Variants in TTLL7 observed in about 807,000 individuals in gnomAD.
The protein encoded by TTLL7 is tubulin polyglutamylase TTLL7.
A neutral mutation model predicts 120.2 loss-of-function variants in TTLL7; 53 were observed. The observed-to-expected ratio is 0.44, with a 90% CI of 0.35 to 0.55. TTLL7 has a LOEUF of 0.55. Among genes scored for constraint, TTLL7 ranks in the 20% least tolerant of loss-of-function variants. The pLI, the probability that TTLL7 is intolerant of heterozygous loss-of-function variation, is 0.00. For synonymous variants in TTLL7, 353 were observed against 351.7 expected (o/e 1.00, Z -0.04); for missense variants, 803 against 1,054.7 (o/e 0.76, Z 3.31).
At chr1:83,995,256 T>C (rs987162355) in intron 1 of TTLL7, among the ~76,000 whole-genome samples, 1 of 151,930 alleles carries the variant, frequency 6.6e-6, no homozygotes, top group Non-Finnish European at 1.5e-5. Flanking sequence ...CACTGGGAAT[T>C]GATACAGTTT....
chr1:83,943,600 A>G (rs1361700744), intron 6 of TTLL7, among the ~76,000 whole-genome samples: 1 of 152,240 alleles, frequency 6.6e-6, no homozygotes, highest in Non-Finnish European at 1.5e-5. Context: ...CAGGAACTTC[A>G]GTGGCCATAC....
At chr1:83,956,574 T>A (rs1040802038) in intron 1 of TTLL7, among the ~76,000 whole-genome samples, 1 of 152,014 alleles carries the variant, frequency 6.6e-6, no homozygotes, top group Non-Finnish European at 1.5e-5. Flanking sequence ...ATTACAGGCA[T>A]GCGCCACCAC....
chr1:83,873,514 T>G (rs1418980514), intron 20 of TTLL7, among the ~76,000 whole-genome samples: 1 of 152,186 alleles, frequency 6.6e-6, no homozygotes, highest in Non-Finnish European at 1.5e-5. Context: ...GCTTACCTAT[T>G]TTTCTAGCTT....
At chr1:83,914,051 A>G (rs1484061441) in intron 14 of TTLL7, among the ~76,000 whole-genome samples, 1 of 152,182 alleles carries the variant, frequency 6.6e-6, no homozygotes, top group East Asian at 1.9e-4. Context: ...ACTCTAAAAT[A>G]TATTTCTTCC....
intron 19 of TTLL7, 112 bp downstream of exon 19, chr1:83,890,209 G>A (rs1324154338): frequency 2.7e-6 from 3 of 1,115,136 alleles, no homozygotes; most frequent in East Asian, 5.2e-5. Flanking sequence ...ATTACATGCA[G>A]TAAAAGAAAT....
intron 19 of TTLL7, among the ~76,000 whole-genome samples, chr1:83,888,181 T>C (rs7551339): frequency 0.029 from 4,417 of 152,118 alleles, 117 homozygotes; most frequent in African/African-American, 0.07. Flanking sequence ...GATTTTCTCA[T>C]TGCTCTCCAT....
rs561868274 is a variant in TTLL7, at chr1:83,876,467, C to T, written c.2544-6385G>A. Among the ~76,000 whole-genome samples, 7 of 151,546 alleles carry T rather than the reference C, an allele frequency of 4.6e-5. No individual in the cohort carries two copies. The South Asian group carries it at 8.3e-4, about 18-fold the overall frequency. Reference sequence around the variant, plus strand: ...CAAACTTTGGTCAAATTCTTCTCCCCGCCAAAAATAAAAAATAAACATTTG... The same window carrying T: ...CAAACTTTGGTCAAATTCTTCTCCCTGCCAAAAATAAAAAATAAACATTTG... On this transcript the variant is annotated intron_variant, in intron 20 of 20. Transcript: ENST00000260505.
intron 1 of TTLL7, among the ~76,000 whole-genome samples, chr1:83,970,426 T>G (rs1437933927): frequency 6.6e-6 from 1 of 152,084 alleles, no homozygotes; most frequent in African/African-American, 2.4e-5. Flanking sequence ...ACACACTGAA[T>G]TCATTTAAAA....
rs199619560 is a variant in TTLL7 at position 83,921,122 on chromosome 1, T to C, written c.1329A>G (p.Arg443=). The change falls in exon 12 of 21, where the codon CGA becomes CGG. Residue 443 remains arginine (R), a synonymous_variant. Coordinates refer to ENST00000260505, the MANE Select transcript of TTLL7 (RefSeq NM_024686.6). ...CCATATGTCGATTTTCATGTTCTTC[T>C]CGTGAGATCTGCTTTCGTACTTGAG... ...RLAQVRKQIS[R]EEHENRHMGN... is the part of the protein sequence containing the mutation. The C allele has an allele frequency of 5.6e-5, 90 of 1,613,282 alleles. No homozygotes were observed. In the East Asian group the frequency reaches 8.7e-4, roughly 16 times the overall value.
intron 18 of TTLL7, 30 bp downstream of exon 18, chr1:83,904,049 G>C: frequency 1.9e-6 from 3 of 1,559,546 alleles, no homozygotes; most frequent in Non-Finnish European, 2.7e-6. Flanking sequence ...TAATCCAAGA[G>C]GGAAAAAACT....
At chr1:83,878,828 G>A (rs144549012) in intron 20 of TTLL7, among the ~76,000 whole-genome samples, 2 of 151,900 alleles carry the variant, frequency 1.3e-5, no homozygotes, top group East Asian at 3.9e-4. Context: ...ATTTTTTTCT[G>A]AGAGTGCAAA....
At chr1:83,930,032 T>A (rs1659465638) in intron 9 of TTLL7, among the ~76,000 whole-genome samples, 1 of 152,064 alleles carries the variant, frequency 6.6e-6, no homozygotes, top group Non-Finnish European at 1.5e-5. Context: ...CACATTATAA[T>A]CAAGAAATTA....
intron 10 of TTLL7, among the ~76,000 whole-genome samples, chr1:83,925,285 A>G (rs1374723060): frequency 1.3e-5 from 2 of 152,140 alleles, no homozygotes; most frequent in Non-Finnish European, 2.9e-5. Flanking sequence ...ATCTTCCCCC[A>G]TTACTTTTCT....
intron 1 of TTLL7, among the ~76,000 whole-genome samples, chr1:83,957,564 A>C (rs1649636915): frequency 6.6e-6 from 1 of 152,142 alleles, no homozygotes; most frequent in South Asian, 2.1e-4. Flanking sequence ...CATTTTATAT[A>C]TGGGAAAATG....
intron 18 of TTLL7, among the ~76,000 whole-genome samples, chr1:83,896,265 C>T (rs1027384661): frequency 2.0e-5 from 3 of 152,146 alleles, no homozygotes; most frequent in African/African-American, 7.2e-5. Flanking sequence ...GCATCCCAAT[C>T]CAACATTAAG....
chr1:83,901,911 A>G (rs933252090), intron 18 of TTLL7: 4 of 151,958 alleles, frequency 2.6e-5, no homozygotes, highest in African/African-American at 9.7e-5. Flanking sequence ...AAAATAGTCT[A>G]TCTCCCAGAA....
At position 83,911,323 on chromosome 1, in the gene TTLL7, C is replaced by G; in HGVS notation, c.1628G>C (p.Arg543Thr). ...SMPESTEIMKRPKYCSSDSSY... is the reference protein window; with the variant it reads ...SMPESTEIMKTPKYCSSDSSY... ...GCTGTCACTGCTGCAGTACTTTGGTCTTTTCATTATCTCAGTACTCTCAGG... is the reference window on the plus strand; with the variant it reads ...GCTGTCACTGCTGCAGTACTTTGGTGTTTTCATTATCTCAGTACTCTCAGG... Residue 543 changes from arginine to threonine, a missense_variant, in exon 15 of 21, where the codon AGA becomes ACA. Physicochemically the swap from Arg to Thr is moderately conservative, Grantham distance 71 (BLOSUM62 -1). This residue lies in a region of TTLL7 where 388 missense variants were observed against 450.4 expected (regional missense o/e 0.86). Transcript: ENST00000260505. 1 of 1,613,732 alleles carries G rather than the reference C, an allele frequency of 6.2e-7. No individual in the cohort carries two copies. The highest frequency in any genetic ancestry group is 8.5e-7 in the Non-Finnish European group (1 of 1,179,810).
intron 18 of TTLL7, among the ~76,000 whole-genome samples, chr1:83,896,501 T>C (rs900659247): frequency 6.6e-6 from 1 of 152,022 alleles, no homozygotes; most frequent in African/African-American, 2.4e-5. Flanking sequence ...GGTTTAGAAA[T>C]AACATTAAAA....
At chr1:83,896,080 G>A (rs948799833) in intron 18 of TTLL7, among the ~76,000 whole-genome samples, 1 of 152,204 alleles carries the variant, frequency 6.6e-6, no homozygotes, top group South Asian at 2.1e-4. Flanking sequence ...TTCTACCTGT[G>A]ATGCTTTTTT....
Sources: allele counts gnomAD v4.1 joint callset (sites outside exome capture counted in the v4.1 genomes callset), GRCh38; gene constraint gnomAD v4.1.1; regional missense constraint gnomAD v4.1.1; transcripts MANE v1.5; gene names NCBI Gene and HGNC (gene_info 2026-07-23, HGNC 2026-07-21).